DENND1A: variants seen among roughly 807,000 people sequenced by gnomAD.
DENND1A encodes DENN domain containing 1A.
A neutral mutation model predicts 113.7 loss-of-function variants in DENND1A; 51 were observed. The ratio of observed to expected loss-of-function variants is 0.45; its 90% CI spans 0.36 to 0.57. The LOEUF is 0.57. Ranked by LOEUF, DENND1A falls within the 20% of genes least tolerant of loss-of-function variation. The pLI is 0.00. For synonymous variants in DENND1A, 565 were observed against 570.8 expected, an observed-to-expected ratio of 0.99 and a Z score of 0.14; for missense variants, 1,258 against 1,395.9, an observed-to-expected ratio of 0.90 and a Z score of 1.57.
At chr9:123,899,577 AAT>A (rs1410087951) in intron 1 of DENND1A, among the ~76,000 whole-genome samples, 9 of 152,222 alleles carry the variant, frequency 5.9e-5, no homozygotes, top group African/African-American at 1.9e-4. Context: ...TCTGGAATGT[AAT>A]ATAAAATAAT....
intron 3 of DENND1A, among the ~76,000 whole-genome samples, chr9:123,771,466 C>T (rs189383433): frequency 2.0e-5 from 3 of 152,302 alleles, no homozygotes; most frequent in African/African-American, 7.2e-5. Flanking sequence ...TTCTTTAAAA[C>T]TCAGTATTCA....
intron 4 of DENND1A, among the ~76,000 whole-genome samples, 154 bp from the exon 5 acceptor site, chr9:123,757,976 T>TAAAAAA (rs557446216): frequency 1.6e-5 from 2 of 123,044 alleles, no homozygotes; most frequent in African/African-American, 5.9e-5. Context: ...GTAAGCTAGT[T>TAAAAAA]AAAAAAAAAA....
At chr9:123,442,620 A>C (rs867664342) in intron 18 of DENND1A, among the ~76,000 whole-genome samples, 2 of 152,206 alleles carry the variant, frequency 1.3e-5, no homozygotes, top group African/African-American at 2.4e-5. Flanking sequence ...ATGAAGCTGC[A>C]AGGTAATATG....
At chr9:123,471,867 G>C (rs982172673) in intron 13 of DENND1A, among the ~76,000 whole-genome samples, 6 of 152,156 alleles carry the variant, frequency 3.9e-5, no homozygotes, top group Non-Finnish European at 1.5e-5. Context: ...TATGTCAGAC[G>C]ATTTTCTACA....
chr9:123,395,497 A>ATGTGTGTGTGTGTGT (rs2043077587), intron 21 of DENND1A, among the ~76,000 whole-genome samples: 5 of 103,556 alleles, frequency 4.8e-5, no homozygotes, highest in Non-Finnish European at 9.2e-5. Flanking sequence ...TGTGTGTGAC[A>ATGTGTGTGTGTGTGT]GAGAGAGAGA....
intron 11 of DENND1A, among the ~76,000 whole-genome samples, chr9:123,604,866 C>T (rs1048153037): frequency 6.6e-6 from 1 of 152,166 alleles, no homozygotes; most frequent in South Asian, 2.1e-4. Flanking sequence ...ACAATGGAAA[C>T]GGCTTGAAGG....
At chr9:123,684,920 T>C (rs1276592435) in intron 5 of DENND1A, among the ~76,000 whole-genome samples, 3 of 152,148 alleles carry the variant, frequency 2.0e-5, no homozygotes, top group South Asian at 2.1e-4. Context: ...AGTGCTTTGA[T>C]AGAGGTTCAC....
chr9:123,789,738 A>C (rs897900688), intron 3 of DENND1A, among the ~76,000 whole-genome samples: 7 of 152,146 alleles, frequency 4.6e-5, no homozygotes, highest in Admixed American at 2.0e-4. Context: ...GAGAGCCAAA[A>C]GGCTGGTCAT....
chr9:123,839,325 T>C (rs1841492652), intron 2 of DENND1A, among the ~76,000 whole-genome samples: 1 of 152,186 alleles, frequency 6.6e-6, no homozygotes, highest in Admixed American at 6.5e-5. Flanking sequence ...AACAGACCTC[T>C]CCACCTCTAT....
At chr9:123,432,109 G>C (rs534580131) in intron 19 of DENND1A, among the ~76,000 whole-genome samples, 1 of 152,198 alleles carries the variant, frequency 6.6e-6, no homozygotes, top group Admixed American at 6.5e-5. Flanking sequence ...TATAACGAGA[G>C]GAATACCACC....
chr9:123,557,441 C>A, intron 13 of DENND1A, 129 bp downstream of exon 13: 1 of 1,413,228 alleles, frequency 7.1e-7, no homozygotes. Flanking sequence ...TGTCCCCCAC[C>A]ACAAACACAC....
At chr9:123,758,729 C>T (rs958589630) in intron 4 of DENND1A, among the ~76,000 whole-genome samples, 1 of 152,126 alleles carries the variant, frequency 6.6e-6, no homozygotes, top group African/African-American at 2.4e-5. Flanking sequence ...AAAAACCACA[C>T]ATAAACGCAA....
At chr9:123,741,040 C>T (rs2068979642) in intron 5 of DENND1A, among the ~76,000 whole-genome samples, 1 of 152,092 alleles carries the variant, frequency 6.6e-6, no homozygotes, top group Non-Finnish European at 1.5e-5. Flanking sequence ...GTCAGCTACT[C>T]TCAAGGGTTC....
chr9:123,661,002 C>A (rs1286949008), intron 8 of DENND1A, among the ~76,000 whole-genome samples: 1 of 152,154 alleles, frequency 6.6e-6, no homozygotes, highest in African/African-American at 2.4e-5. Context: ...ATAAAACAGC[C>A]CCATTCAACA....
At chr9:123,414,340 C>A in intron 19 of DENND1A, 1 of 1,414,640 alleles carries the variant, frequency 7.1e-7, no homozygotes, top group East Asian at 2.6e-5. Flanking sequence ...GTTTCCCTGC[C>A]TCCAGCCTCT....
At chr9:123,443,446 G>A (rs1302067676) in intron 18 of DENND1A, among the ~76,000 whole-genome samples, 1 of 152,218 alleles carries the variant, frequency 6.6e-6, no homozygotes, top group African/African-American at 2.4e-5. Context: ...ATTTGGAAGG[G>A]AAATGTGTCC....
chr9:123,765,232 T>A (rs964574513), intron 4 of DENND1A, among the ~76,000 whole-genome samples: 1 of 152,106 alleles, frequency 6.6e-6, no homozygotes, highest in African/African-American at 2.4e-5. Context: ...GAAAGTATGG[T>A]GGAGTTGGAG....
chr9:123,836,349 A>C (rs577293791), intron 2 of DENND1A, among the ~76,000 whole-genome samples: 2 of 152,320 alleles, frequency 1.3e-5, no homozygotes, highest in South Asian at 4.1e-4. Context: ...GAAGGAAATC[A>C]GGGAGTTCAC....
chr9:123,623,933 A>G (rs1000248381), intron 10 of DENND1A, among the ~76,000 whole-genome samples: 3 of 152,176 alleles, frequency 2.0e-5, no homozygotes, highest in Non-Finnish European at 2.9e-5. Flanking sequence ...CCATGTAAAA[A>G]GCTCTTATGG....
Sources: allele counts gnomAD v4.1 joint callset (sites outside exome capture counted in the v4.1 genomes callset), GRCh38; gene constraint gnomAD v4.1.1; transcripts MANE v1.5; gene names NCBI Gene and HGNC (gene_info 2026-07-23, HGNC 2026-07-21).